Variants in RSRC1 observed in about 807,000 individuals in gnomAD.
RSRC1 encodes arginine and serine rich coiled-coil 1, also known as serine/Arginine-related protein 53.
In RSRC1, 39 loss-of-function variants were observed where a neutral mutation model predicts 49.1. That is an observed-to-expected ratio of 0.79 (90% CI 0.61 to 1.04). RSRC1 has a LOEUF of 1.04. Among genes scored for constraint, RSRC1 ranks in the 50% least tolerant of loss-of-function variants. RSRC1 has a pLI of 0.00. For synonymous variants in RSRC1, 143 were observed against 130.8 expected, an observed-to-expected ratio of 1.09 and a Z score of -0.63; for missense variants, 388 against 402.4, an observed-to-expected ratio of 0.96 and a Z score of 0.31.
At chr3:158,493,434 G>A (rs976127067) in intron 7 of RSRC1, among the ~76,000 whole-genome samples, 2 of 152,098 alleles carry the variant, frequency 1.3e-5, no homozygotes, top group Admixed American at 6.5e-5. Flanking sequence ...AATATTTTGT[G>A]CCTCATACCT....
intron 3 of RSRC1, among the ~76,000 whole-genome samples, chr3:158,129,174 C>A (rs1432176636): frequency 6.6e-6 from 1 of 151,684 alleles, no homozygotes; most frequent in Non-Finnish European, 1.5e-5. Flanking sequence ...TTTTCTGTAG[C>A]AGTTACTTTG....
At chr3:158,328,878 CA>C (rs1387380924) in intron 5 of RSRC1, among the ~76,000 whole-genome samples, 1 of 152,220 alleles carries the variant, frequency 6.6e-6, no homozygotes, top group East Asian at 1.9e-4. Context: ...GTACACCAAT[CA>C]GACGTAGATT....
intron 7 of RSRC1, among the ~76,000 whole-genome samples, chr3:158,506,345 G>C (rs1275575467): frequency 6.6e-6 from 1 of 152,110 alleles, no homozygotes; most frequent in Non-Finnish European, 1.5e-5. Context: ...GCCGAGATGG[G>C]AGTATGTGTC....
At chr3:158,408,222 A>G (rs929802795) in intron 6 of RSRC1, among the ~76,000 whole-genome samples, 2 of 152,130 alleles carry the variant, frequency 1.3e-5, no homozygotes, top group Non-Finnish European at 2.9e-5. Context: ...TATTTTCTCA[A>G]CCTTCTAACT....
chr3:158,258,653 A>G (rs1724712009), intron 4 of RSRC1, among the ~76,000 whole-genome samples: 1 of 151,210 alleles, frequency 6.6e-6, no homozygotes, highest in South Asian at 2.1e-4. Flanking sequence ...CTCTTTCTCT[A>G]CCTCCTCTTT....
intron 7 of RSRC1, among the ~76,000 whole-genome samples, chr3:158,467,205 A>G (rs548211506): frequency 1.3e-5 from 2 of 152,326 alleles, no homozygotes; most frequent in South Asian, 2.1e-4. Context: ...AATATTCACT[A>G]CATCCAGGAT....
intron 6 of RSRC1, among the ~76,000 whole-genome samples, chr3:158,434,180 G>A (rs1383766639): frequency 1.3e-5 from 2 of 151,918 alleles, no homozygotes; most frequent in Non-Finnish European, 2.9e-5. Context: ...ATCTTCATAT[G>A]AGAACTTCCA....
chr3:158,368,033 G>A (rs1731872877), intron 6 of RSRC1, among the ~76,000 whole-genome samples: 1 of 113,482 alleles, frequency 8.8e-6, no homozygotes, highest in Non-Finnish European at 1.9e-5. Context: ...CCCTAATGAC[G>A]TTTAGTAGGA....
chr3:158,377,267 C>G (rs1010169702), intron 6 of RSRC1, among the ~76,000 whole-genome samples: 3 of 152,108 alleles, frequency 2.0e-5, no homozygotes, highest in African/African-American at 7.2e-5. Context: ...ACATTAGATG[C>G]CTTTTCCACT....
intron 3 of RSRC1, among the ~76,000 whole-genome samples, chr3:158,129,288 C>CTTTTTTTTTTTTTTT (rs71144439): frequency 2.8e-5 from 2 of 71,074 alleles, no homozygotes; most frequent in Non-Finnish European, 4.9e-5. Context: ...TTCTTTCTTT[C>CTTTTTTTTTTTTTTT]TTTTTTTTTT....
intron 7 of RSRC1, among the ~76,000 whole-genome samples, chr3:158,465,071 T>C (rs913144532): frequency 1.3e-5 from 2 of 152,150 alleles, no homozygotes; most frequent in Non-Finnish European, 2.9e-5. Flanking sequence ...CTAACTTAGA[T>C]CTAGATCCAT....
intron 6 of RSRC1, among the ~76,000 whole-genome samples, chr3:158,424,737 A>G (rs1429728782): frequency 1.3e-5 from 2 of 152,204 alleles, no homozygotes; most frequent in African/African-American, 4.8e-5. Context: ...TAAGCTATTG[A>G]TTATTGCCAC....
chr3:158,501,939 A>G (rs1298087497), intron 7 of RSRC1, among the ~76,000 whole-genome samples: 2 of 152,010 alleles, frequency 1.3e-5, no homozygotes, highest in Non-Finnish European at 1.5e-5. Context: ...TTTGCTTTTT[A>G]ACTTGTATTT....
chr3:158,254,112 T>C (rs1290311511), intron 4 of RSRC1, among the ~76,000 whole-genome samples: 1 of 152,210 alleles, frequency 6.6e-6, no homozygotes, highest in Non-Finnish European at 1.5e-5. Flanking sequence ...TTTTTATGGC[T>C]GCATAGTATT....
chr3:158,243,591 GGTA>G (rs1723717362), intron 4 of RSRC1, among the ~76,000 whole-genome samples: 1 of 152,140 alleles, frequency 6.6e-6, no homozygotes, highest in African/African-American at 2.4e-5. Flanking sequence ...GAATGTCAGT[GGTA>G]GTTTGATAGC....
At chr3:158,490,835 C>A (rs1265539007) in intron 7 of RSRC1, among the ~76,000 whole-genome samples, 1 of 152,144 alleles carries the variant, frequency 6.6e-6, no homozygotes, top group Admixed American at 6.5e-5. Flanking sequence ...ACACGTACTG[C>A]TGAGATTGGG....
At chr3:158,371,940 A>G (rs919749934) in intron 6 of RSRC1, among the ~76,000 whole-genome samples, 1 of 151,512 alleles carries the variant, frequency 6.6e-6, no homozygotes, top group South Asian at 2.1e-4. Flanking sequence ...TTCAATCTGC[A>G]TTTGCCTCAT....
At chr3:158,196,349 T>C (rs1720613641) in intron 3 of RSRC1, among the ~76,000 whole-genome samples, 1 of 152,190 alleles carries the variant, frequency 6.6e-6, no homozygotes, top group Admixed American at 6.5e-5. Flanking sequence ...CACACTGATT[T>C]TGTATCCTGA....
At chr3:158,147,102 C>CTTTTTTTTTTTTTTTTTTTT (rs35460810) in intron 3 of RSRC1, among the ~76,000 whole-genome samples, 4 of 34,732 alleles carry the variant, frequency 1.2e-4, no homozygotes, top group Admixed American at 5.1e-4. Flanking sequence ...GCTTTTCTGC[C>CTTTTTTTTTTTTTTTTTTTT]TTTTTTTTTT....
Sources: allele counts gnomAD v4.1 joint callset (sites outside exome capture counted in the v4.1 genomes callset), GRCh38; gene constraint gnomAD v4.1.1; transcripts MANE v1.5; gene names NCBI Gene and HGNC (gene_info 2026-07-23, HGNC 2026-07-21).